STAB1: variants seen among roughly 807,000 people sequenced by gnomAD.
STAB1 encodes the protein stabilin 1, also known as stabilin-1.
A neutral mutation model predicts 332.4 loss-of-function variants in STAB1; 250 were observed. The ratio of observed to expected loss-of-function variants is 0.75; its 90% CI spans 0.68 to 0.84. The LOEUF (loss-of-function observed/expected upper bound fraction) is 0.84, where lower values mean the gene tolerates loss of function less well. STAB1 is among the 40% of genes least tolerant of loss of function. The pLI, the probability that STAB1 is intolerant of heterozygous loss-of-function variation, is 0.00. For missense variants in STAB1, 3,249 were observed against 3,489.7 expected (o/e 0.93, Z 1.74); for synonymous variants, 1,475 against 1,390.4 (o/e 1.06, Z -1.35).
intron 51 of STAB1, 21 bp from the exon 52 acceptor site, chr3:52,520,179 TCCAA>T (rs1559717985): frequency 1.9e-6 from 3 of 1,613,052 alleles, no homozygotes; most frequent in East Asian, 4.5e-5. Context: ...CCTTTCCACC[TCCAA>T]CCATGACTCC....
intron 22 of STAB1, chr3:52,509,597 A>C: frequency 1.7e-6 from 1 of 593,224 alleles, no homozygotes; most frequent in East Asian, 2.8e-5. Flanking sequence ...ACTGTGGCTT[A>C]AAGTATGCGG....
In STAB1 at chr3:52,524,332, C is replaced by T; in HGVS notation, c.7689C>T (p.Thr2563=). The T allele has an allele frequency of 6.2e-7, 1 of 1,613,870 alleles. No individual in the cohort carries two copies. The highest frequency in any genetic ancestry group is 8.5e-7 in the Non-Finnish European group (1 of 1,180,010). ...DSLLEEDFPD[T]QRILTVK ...TGCTGGAGGAGGACTTCCCTGACAC[C>T]CAGAGGATCCTCACAGTCAAGTGAC... The change falls in exon 69 of 69, where the codon ACC becomes ACT. Residue 2563 remains threonine, a synonymous_variant. Transcript: ENST00000321725.
rs1042055462 is a variant in STAB1 at position 52,522,894 on chromosome 3, C to T, written c.6864C>T (p.Arg2288=). The T allele has an allele frequency of 3.1e-6, 5 of 1,613,416 alleles. No homozygotes were observed. Among genetic ancestry groups the T allele is most frequent in the Non-Finnish European group, 4.2e-6 (5 of 1,180,026 alleles). Residue 2288 remains arginine (R), a synonymous_variant, in exon 62 of 69, where the codon CGC becomes CGT. Transcript: ENST00000321725. ...TGGGCATAGTCAGCCTGGGTGCCCG[C>T]AAGAACCTCTCAGAACGCTGGGATG... is the stretch of plus-strand genomic sequence containing the variant. The part of the protein sequence containing the change: ...GRVGIVSLGA[R]KNLSERWDAY...
rs1190354130 is a variant in STAB1, at chr3:52,521,962, G to A, written c.6271+11G>A. 1.2e-6 allele frequency: 2 copies of A among 1,606,798 alleles called. No individual in the cohort carries two copies. The highest frequency in any genetic ancestry group is 1.7e-6 in the Non-Finnish European group (2 of 1,175,148). ...GCCGTGTGTGTACAGGTAAGCAGAT[G>A]GGCGGGGACATGGAGGTGGGAGGCC... is the stretch of plus-strand genomic sequence containing the variant. On this transcript the variant is annotated intron_variant, in intron 58 of 68. Transcript: ENST00000321725.
In STAB1 at chr3:52,516,023, T is replaced by C. The variant is rs1357596826; in HGVS notation, c.3949-20T>C. 1 of 1,588,526 alleles carries C rather than the reference T, an allele frequency of 6.3e-7. No individual in the cohort carries two copies. The highest frequency in any genetic ancestry group is 2.3e-5 in the East Asian group (1 of 44,338). ...CTTGCTGGGCCTCTCTCGCCCTCTC[T>C]CCCATCCCCACGCCGACAGGTGCCG... On this transcript the variant is annotated intron_variant, in intron 37 of 68. Transcript: ENST00000321725.
In STAB1 at chr3:52,521,465, G is replaced by A; in HGVS notation, c.6013G>A (p.Ala2005Thr). The part of the protein sequence containing the change: ...CLCRSGFAGT[A>T]CELCAPGAFG... ...GTGCCGTTCAGGTTTTGCTGGGACA[G>A]CCTGTGAACTCTGTGCTCCTGGTGC... Residue 2005 changes from alanine (A) to threonine (T), a missense_variant, in exon 56 of 69, where the codon GCC becomes ACC. By Grantham distance (58) the Ala-to-Thr change is moderately conservative (BLOSUM62 0). Coordinates refer to ENST00000321725, the MANE Select transcript of STAB1 (RefSeq NM_015136.3). The A allele has an allele frequency of 1.9e-6, 3 of 1,614,050 alleles. No homozygotes were observed. The highest frequency in any genetic ancestry group is 2.5e-6 in the Non-Finnish European group (3 of 1,180,030).
In STAB1 at chr3:52,514,721, A is replaced by G. The variant is rs769757969; in HGVS notation, c.3699A>G (p.Pro1233=). Residue 1233 remains proline (P), a synonymous_variant, in exon 35 of 69, where the codon CCA becomes CCG. Coordinates refer to ENST00000321725, the MANE Select transcript of STAB1 (RefSeq NM_015136.3). The part of the protein sequence containing the change: ...HSGQPEVNHV[P]LEGPMLEAPG... ...CCCAGCCTGAGGTGAACCATGTGCC[A>G]CTGGAAGGCCCCATGCTGGAGGCCC... 3 of 1,612,966 alleles carry G rather than the reference A, an allele frequency of 1.9e-6. No individual in the cohort carries two copies. Among genetic ancestry groups the G allele is most frequent in the South Asian group, 1.1e-5 (1 of 91,080 alleles).
chr3:52,521,510 G>C lies in STAB1; in HGVS notation c.6058G>C (p.Ala2020Pro), dbSNP rs771934694. ...APGAFGPHCQ[A>P]CRCTVHGRCD... The stretch of plus-strand genomic sequence containing the variant: ...TGGTGCCTTTGGGCCCCATTGTCAA[G>C]GTGGGCCATCCCTGCCTGCCCCACG... The change falls in exon 56 of 69, where the codon GCC becomes CCC. Residue 2020 changes from alanine (A) to proline (P), a missense_variant and splice_region_variant. Transcript: ENST00000321725. 15 of 1,613,872 alleles carry C rather than the reference G, an allele frequency of 9.3e-6. No individual in the cohort carries two copies. The highest frequency in any genetic ancestry group is 1.2e-5 in the Non-Finnish European group (14 of 1,180,030).
intron 36 of STAB1, 101 bp from the exon 37 acceptor site, chr3:52,515,322 C>T: frequency 1.7e-6 from 2 of 1,181,792 alleles, no homozygotes; most frequent in Admixed American, 1.9e-5. Flanking sequence ...CTGTTCTGCT[C>T]AGCTGCCTGA....
At chr3:52,506,302 C>T in intron 17 of STAB1, 52 bp downstream of exon 17, 2 of 1,507,872 alleles carry the variant, frequency 1.3e-6, no homozygotes, top group Non-Finnish European at 9.1e-7. Context: ...TGACCAGCTG[C>T]CCACTTGGCC....
intron 48 of STAB1, 30 bp downstream of exon 48, chr3:52,518,899 C>T (rs1243742285): frequency 2.7e-6 from 4 of 1,461,528 alleles, no homozygotes; most frequent in Non-Finnish European, 3.6e-6. Context: ...TGCCCCGCTC[C>T]ATCCCGCCCC....
At chr3:52,515,112 TC>T in intron 36 of STAB1, 67 bp downstream of exon 36, 1 of 1,573,082 alleles carries the variant, frequency 6.4e-7, no homozygotes, top group East Asian at 2.3e-5. Context: ...AGGTGCCCAA[TC>T]CCCTCACCCT....
chr3:52,506,777 GCATCCTGCTGCCCCCGAC>G lies in STAB1; in HGVS notation c.1925_1942del (p.Leu642_Leu647del). The G allele has an allele frequency of 6.2e-7, 1 of 1,613,210 alleles. No homozygotes were observed. The highest frequency in any genetic ancestry group is 8.5e-7 in the Non-Finnish European group (1 of 1,179,958). On this transcript the variant is annotated inframe_deletion, in exon 18 of 69. Transcript: ENST00000321725. ...AATGGTGTGATCCACATGCTGGACG[GCATCCTGCTGCCCCCGAC>G]CATCCTGCCCATCCTGCCCAAGCAC...
In STAB1 at chr3:52,506,196, G is replaced by C; in HGVS notation, c.1776G>C (p.Lys592Asn). 1.2e-6 allele frequency: 2 copies of C among 1,612,692 alleles called. No individual in the cohort carries two copies. The highest frequency in any genetic ancestry group is 1.7e-6 in the Non-Finnish European group (2 of 1,179,640). Reference sequence around the variant, plus strand: ...TGACCGTTGAGAAGCTCATCTCCAAGGGTCGGATCCTCACCATGGCGAACC... The same window carrying C: ...TGACCGTTGAGAAGCTCATCTCCAACGGTCGGATCCTCACCATGGCGAACC... Reference protein sequence around the residue: ...GQLTVEKLISKGRILTMANQV... With the variant: ...GQLTVEKLISNGRILTMANQV... Residue 592 changes from lysine to asparagine, a missense_variant, in exon 17 of 69, where the codon AAG (lysine) becomes AAC (asparagine). Lys to Asn is a moderately conservative substitution (Grantham distance 94). Coordinates refer to ENST00000321725, the MANE Select transcript of STAB1 (RefSeq NM_015136.3).
intron 57 of STAB1, 64 bp from the exon 58 acceptor site, chr3:52,521,780 G>T (rs2079079831): frequency 1.9e-6 from 3 of 1,600,082 alleles, no homozygotes; most frequent in Non-Finnish European, 2.6e-6. Context: ...AGGGTGGGTG[G>T]AACGGGCAGA....
In STAB1 at chr3:52,503,762, C is replaced by A. The variant is rs201930345; in HGVS notation, c.892-10C>A. On this transcript the variant is annotated splice_polypyrimidine_tract_variant and intron_variant, in intron 8 of 68. Transcript: ENST00000321725. ...ACGTGGTGTTCCCCTCCTGCCCTGTCGGGGGCCAGGCCTTCTGCACCTGCC... is the reference window on the plus strand; with the variant it reads ...ACGTGGTGTTCCCCTCCTGCCCTGTAGGGGGCCAGGCCTTCTGCACCTGCC... The A allele has an allele frequency of 3.7e-6, 6 of 1,612,844 alleles. No individual in the cohort carries two copies. The highest frequency in any genetic ancestry group is 3.3e-5 in the Admixed American group (2 of 60,014).
rs1274950530 is a variant in STAB1 at position 52,514,810 on chromosome 3, G to A, written c.3788G>A (p.Ser1263Asn). The A allele has an allele frequency of 1.9e-6, 3 of 1,612,920 alleles. No homozygotes were observed. In the Admixed American group the frequency reaches 5.0e-5, roughly 27 times the overall value. ...LTVGSSRCLHSHAEALREKCV... is the reference protein window; with the variant it reads ...LTVGSSRCLHNHAEALREKCV... ...GTGGGCTCAAGTCGCTGCCTGCATA[G>A]CCACGCTGAGGCCCTGCGGGTGAGA... Residue 1263 changes from serine to asparagine, a missense_variant, in exon 35 of 69, where the codon AGC (serine) becomes AAC (asparagine). By Grantham distance (46) the Ser-to-Asn change is conservative. Coordinates refer to ENST00000321725, the MANE Select transcript of STAB1 (RefSeq NM_015136.3).
chr3:52,507,499 C>T (rs1306326681), intron 18 of STAB1, 114 bp from the exon 19 acceptor site: 1 of 1,132,904 alleles, frequency 8.8e-7, no homozygotes, highest in Admixed American at 2.3e-5. Context: ...GCTGGGCTTC[C>T]TGTGGTTGGC....
In STAB1 at chr3:52,504,670, T is replaced by C. The variant is rs1015481937; in HGVS notation, c.1240-69T>C. Reference sequence around the variant, plus strand: ...CTGGGATGCATCCTGTCCCCTCCATTGCTGGGTAGAGGTGGTGTGAAGAGG... The same window carrying C: ...CTGGGATGCATCCTGTCCCCTCCATCGCTGGGTAGAGGTGGTGTGAAGAGG... On this transcript the variant is annotated intron_variant, in intron 11 of 68. Transcript: ENST00000321725. 1.2e-5 allele frequency: 20 copies of C among 1,612,362 alleles called. No individual in the cohort carries two copies. The Admixed American group carries it at 3.0e-4, about 24-fold the overall frequency.
Sources: gnomAD v4.1 joint callset for allele counts on GRCh38, gnomAD v4.1.1 for gene constraint, MANE v1.5 for transcripts, NCBI Gene and HGNC (gene_info 2026-07-23, HGNC 2026-07-21) for gene names.